ULK4: variants seen among roughly 807,000 people sequenced by gnomAD.
ULK4 encodes the protein unc-51 like kinase 4, also known as inactive serine/threonine-protein kinase ULK4.
A neutral mutation model predicts 160.6 loss-of-function variants in ULK4; 133 were observed. That is an observed-to-expected ratio of 0.83 (90% CI 0.72 to 0.96). The LOEUF is 0.96. Ranked by LOEUF, ULK4 falls within the 40% of genes least tolerant of loss-of-function variation. The pLI, the probability that ULK4 is intolerant of heterozygous loss-of-function variation, is 0.00. For synonymous variants in ULK4, 534 were observed against 539.8 expected, an observed-to-expected ratio of 0.99 and a Z score of 0.15; for missense variants, 1,580 against 1,499.5, an observed-to-expected ratio of 1.05 and a Z score of -0.89.
rs149788961 is a variant in ULK4 at position 41,274,230 on chromosome 3, G to A, written c.3679-24656C>T. 5.9e-5 allele frequency among the ~76,000 whole-genome samples: 9 copies of A among 152,204 alleles called. No homozygotes were observed. In the East Asian group the frequency reaches 1.2e-3, roughly 20 times the overall value. ...TATTTTTTTTCCTCTTCTTTTGGCT[G>A]TTTCAAGGCAGGAGGGTAAATTTGG... On this transcript the variant is annotated intron_variant, in intron 35 of 36. Coordinates refer to ENST00000301831, the MANE Select transcript of ULK4 (RefSeq NM_017886.4).
intron 35 of ULK4, among the ~76,000 whole-genome samples, chr3:41,308,848 A>T (rs1333152441): frequency 6.6e-6 from 1 of 152,174 alleles, no homozygotes; most frequent in Admixed American, 6.5e-5. Flanking sequence ...GTCATTTTGG[A>T]TAAGGGATAC....
chr3:41,603,238 C>T (rs1258145186), intron 31 of ULK4, among the ~76,000 whole-genome samples: 1 of 152,028 alleles, frequency 6.6e-6, no homozygotes, highest in Admixed American at 6.6e-5. Context: ...AGAAACACTA[C>T]ATAATGATAA....
At chr3:41,746,596 C>T (rs960430659) in intron 22 of ULK4, among the ~76,000 whole-genome samples, 1 of 151,420 alleles carries the variant, frequency 6.6e-6, no homozygotes, top group African/African-American at 2.4e-5. Flanking sequence ...TAGTTTAATG[C>T]AAGCCCAGCA....
chr3:41,953,907 G>A (rs183485149), intron 2 of ULK4, among the ~76,000 whole-genome samples: 122 of 152,134 alleles, frequency 8.0e-4, no homozygotes, highest in Middle Eastern at 3.4e-3. Flanking sequence ...AAATTGGCCG[G>A]GCGCGGTGGC....
At chr3:41,798,171 GA>G (rs139580420) in intron 20 of ULK4, among the ~76,000 whole-genome samples, 18,813 of 151,704 alleles carry the variant, frequency 0.12, 1,344 homozygotes, top group Middle Eastern at 0.27. Flanking sequence ...GGGAACTATT[GA>G]AAAAAAACTT....
intron 17 of ULK4, among the ~76,000 whole-genome samples, chr3:41,849,739 G>A (rs2042162860): frequency 6.6e-6 from 1 of 152,166 alleles, no homozygotes; most frequent in South Asian, 2.1e-4. Context: ...GTACATGTGT[G>A]AGGGCAGGGG....
intron 17 of ULK4, among the ~76,000 whole-genome samples, chr3:41,859,824 ATTTTTTTT>A (rs397875093): frequency 1.7e-5 from 2 of 115,906 alleles, no homozygotes; most frequent in African/African-American, 3.5e-5. Context: ...TGCCTGGCTA[ATTTTTTTT>A]TTTTTTTTTT....
intron 35 of ULK4, among the ~76,000 whole-genome samples, chr3:41,383,159 C>T (rs970865065): frequency 2.6e-5 from 4 of 151,132 alleles, no homozygotes; most frequent in Admixed American, 2.0e-4. Context: ...AGTGCAATGG[C>T]GCAATCTCAG....
chr3:41,406,491 T>C (rs535922182), intron 34 of ULK4, among the ~76,000 whole-genome samples: 2 of 152,332 alleles, frequency 1.3e-5, no homozygotes, highest in East Asian at 3.9e-4. Context: ...TGGCTTTTTG[T>C]AGTTCTGTGA....
At chr3:41,287,567 A>T (rs1248278619) in intron 35 of ULK4, among the ~76,000 whole-genome samples, 2 of 152,250 alleles carry the variant, frequency 1.3e-5, no homozygotes, top group Non-Finnish European at 2.9e-5. Flanking sequence ...TTTGCAAAGA[A>T]CAGGACACAG....
At chr3:41,455,874 T>C (rs901168471) in intron 33 of ULK4, among the ~76,000 whole-genome samples, 13 of 152,292 alleles carry the variant, frequency 8.5e-5, no homozygotes, top group African/African-American at 2.9e-4. Flanking sequence ...GGAGGAATAA[T>C]GGTGATGTCC....
chr3:41,321,443 C>A (rs1432225347), intron 35 of ULK4, among the ~76,000 whole-genome samples: 1 of 152,000 alleles, frequency 6.6e-6, no homozygotes, highest in Non-Finnish European at 1.5e-5. Context: ...GGATGGTGTC[C>A]TTTAAAGTGA....
intron 32 of ULK4, among the ~76,000 whole-genome samples, chr3:41,526,687 G>A (rs1205335438): frequency 6.6e-6 from 1 of 152,186 alleles, no homozygotes; most frequent in Non-Finnish European, 1.5e-5. Flanking sequence ...TTGTTTGGGG[G>A]GTGGAGGGGA....
chr3:41,955,014 G>C (rs1447212421), intron 1 of ULK4, among the ~76,000 whole-genome samples: 1 of 152,206 alleles, frequency 6.6e-6, no homozygotes, highest in Non-Finnish European at 1.5e-5. Flanking sequence ...CTTCACAGCC[G>C]GCGCAGTGGC....
rs544956910 is a variant in ULK4 at position 41,378,301 on chromosome 3, C to A, written c.3678+19778G>T. On this transcript the variant is annotated intron_variant, in intron 35 of 36. Coordinates refer to ENST00000301831, the MANE Select transcript of ULK4 (RefSeq NM_017886.4). ...ATGACGAGTTAGTGGGTGCAGCACACCAGCATGGCACATGTATACATATGT... is the reference window on the plus strand; with the variant it reads ...ATGACGAGTTAGTGGGTGCAGCACAACAGCATGGCACATGTATACATATGT... Among the ~76,000 whole-genome samples, 25 of 150,952 alleles carry A rather than the reference C, an allele frequency of 1.7e-4. No homozygotes were observed. In the South Asian group the frequency reaches 4.0e-3, roughly 24 times the overall value.
chr3:41,482,453 C>A (rs1247179042), intron 32 of ULK4, among the ~76,000 whole-genome samples: 1 of 151,866 alleles, frequency 6.6e-6, no homozygotes, highest in Non-Finnish European at 1.5e-5. Context: ...AAACTTGGGG[C>A]AAGGGGCTTC....
intron 35 of ULK4, among the ~76,000 whole-genome samples, chr3:41,329,775 T>C (rs954990483): frequency 6.6e-6 from 1 of 152,316 alleles, no homozygotes; most frequent in South Asian, 2.1e-4. Flanking sequence ...AAGGTAGCAA[T>C]AAACACCTTT....
At chr3:41,749,086 T>C (rs184366634) in intron 22 of ULK4, among the ~76,000 whole-genome samples, 17 of 152,380 alleles carry the variant, frequency 1.1e-4, no homozygotes, top group African/African-American at 3.6e-4. Flanking sequence ...AAAAACAATA[T>C]TCAGTAGAAA....
At chr3:41,711,262 A>G (rs1035145740) in intron 25 of ULK4, among the ~76,000 whole-genome samples, 13 of 152,232 alleles carry the variant, frequency 8.5e-5, no homozygotes, top group Non-Finnish European at 1.5e-4. Context: ...GGGTGACACA[A>G]TATCTTCTCA....
Sources: allele counts gnomAD v4.1 joint callset (sites outside exome capture counted in the v4.1 genomes callset), GRCh38; gene constraint gnomAD v4.1.1; transcripts MANE v1.5; gene names NCBI Gene and HGNC (gene_info 2026-07-23, HGNC 2026-07-21).